Variants in INTS2 observed in about 807,000 individuals in gnomAD.
INTS2 encodes integrator complex subunit 2.
A neutral mutation model predicts 139.6 loss-of-function variants in INTS2; 57 were observed. The observed-to-expected ratio is 0.41, with a 90% CI of 0.33 to 0.51. INTS2 has a LOEUF of 0.51. Among genes scored for constraint, INTS2 ranks in the 20% least tolerant of loss-of-function variants. The pLI is 0.28. For synonymous variants in INTS2, 473 were observed against 493.4 expected, an observed-to-expected ratio of 0.96 and a Z score of 0.55; for missense variants, 1,196 against 1,436.7, an observed-to-expected ratio of 0.83 and a Z score of 2.71.
intron 12 of INTS2, among the ~76,000 whole-genome samples, chr17:61,894,949 T>G (rs1274797357): frequency 2.6e-5 from 4 of 152,222 alleles, no homozygotes; most frequent in African/African-American, 4.8e-5. Context: ...GCCTGTAATC[T>G]AGTTAGAAAT....
chr17:61,897,413 A>G lies in INTS2; in HGVS notation c.1494+56T>C. 1 of 1,019,882 alleles carries G rather than the reference A, an allele frequency of 9.8e-7. No homozygotes were observed. The highest frequency in any genetic ancestry group is 1.6e-5 in the South Asian group (1 of 63,452). 63.2% of individuals were successfully genotyped at this position (1,019,882 alleles called of 1,614,324 possible). On this transcript the variant is annotated intron_variant, in intron 11 of 24. Coordinates refer to ENST00000251334, the MANE Select transcript of INTS2 (RefSeq NM_001351695.2). This position sits in a 1 kb window ranked among gnomAD's most constrained non-coding sequence, Gnocchi z 4.4. ...AAACAATCTATTTACACTACAACAA[A>G]ATGTCCAGCTTAGAAACACCTTTTT...
Position 61,869,112 on chromosome 17 carries a change from A to G in INTS2, c.3166T>C (p.Leu1056=). 2 of 1,611,304 alleles carry G rather than the reference A, an allele frequency of 1.2e-6. No individual in the cohort carries two copies. The highest frequency in any genetic ancestry group is 2.2e-5 in the South Asian group (2 of 90,774). The change falls in exon 23 of 25, where the codon TTG becomes CTG. Residue 1056 remains leucine, a synonymous_variant. Transcript: ENST00000251334. The surrounding 1 kb of genome is among the most constrained non-coding windows in gnomAD (Gnocchi z 5.4). ...QIFAIQLLSH[L]CIQYALPKSL... The stretch of plus-strand genomic sequence containing the variant: ...TTTGGTAATGCATATTGTATACACA[A>G]GTGAGAAAGCAACTGGATAGCAAAT...
intron 4 of INTS2, among the ~76,000 whole-genome samples, chr17:61,920,450 G>T (rs1389898490): frequency 7.4e-5 from 11 of 149,288 alleles, no homozygotes; most frequent in Admixed American, 7.3e-4. Context: ...CCAAAATGCT[G>T]GGATTACAGG....
chr17:61,919,690 A>C (rs749488416), intron 4 of INTS2, among the ~76,000 whole-genome samples, 177 bp from the exon 5 acceptor site: 14 of 152,166 alleles, frequency 9.2e-5, no homozygotes, highest in Non-Finnish European at 1.8e-4. Context: ...GATTACAGGC[A>C]TAAGCCACCA....
In INTS2 at chr17:61,897,788, C is replaced by T; in HGVS notation, c.1308-49G>A. ...CACTGGTTTAAATTAGATATACTAG[C>T]ATATGAATAAAAAGCATTCTGAAGT... is the stretch of plus-strand genomic sequence containing the variant. On this transcript the variant is annotated intron_variant, in intron 9 of 24. Transcript: ENST00000251334. The surrounding 1 kb of genome is among the most constrained non-coding windows in gnomAD (Gnocchi z 4.4). 3.3e-6 allele frequency: 4 copies of T among 1,215,220 alleles called. No homozygotes were observed. Among genetic ancestry groups the T allele is most frequent in the Non-Finnish European group, 4.7e-6 (4 of 848,844 alleles). 75.3% of individuals were successfully genotyped at this position (1,215,220 alleles called of 1,614,324 possible). A position where few individuals can be genotyped will look rare whatever the true frequency, so the allele number is the denominator to read the frequency against.
chr17:61,913,646 C>T (rs1314821387), intron 5 of INTS2, among the ~76,000 whole-genome samples: 7 of 151,980 alleles, frequency 4.6e-5, no homozygotes, highest in African/African-American at 1.5e-4. Flanking sequence ...TAAAAGATGA[C>T]GTCAACCTAA....
rs138705503 is a variant in INTS2, at chr17:61,882,144, T to C, written c.2090-973A>G. 6.6e-6 allele frequency among the ~76,000 whole-genome samples: 1 copy of C among 152,340 alleles called. No homozygotes were observed. The highest frequency in any genetic ancestry group is 1.5e-5 in the Non-Finnish European group (1 of 68,042). On this transcript the variant is annotated intron_variant, in intron 16 of 24. Coordinates refer to ENST00000251334, the MANE Select transcript of INTS2 (RefSeq NM_001351695.2). This position sits in a 1 kb window ranked among gnomAD's most constrained non-coding sequence, Gnocchi z 4.7. ...TCTCAGGTACTTTATGTACGTTTTCTCATCTCTCCCTAACATTCATACAAA... is the reference window on the plus strand; with the variant it reads ...TCTCAGGTACTTTATGTACGTTTTCCCATCTCTCCCTAACATTCATACAAA...
intron 17 of INTS2, among the ~76,000 whole-genome samples, chr17:61,878,944 A>AAC (rs2079151258): frequency 7.3e-6 from 1 of 137,238 alleles, no homozygotes; most frequent in South Asian, 2.1e-4. Flanking sequence ...AAAAAAAAAA[A>AAC]AAAAAAAAAA....
At chr17:61,877,861 T>G in intron 18 of INTS2, 26 bp downstream of exon 18, 2 of 1,549,006 alleles carry the variant, frequency 1.3e-6, no homozygotes, top group Non-Finnish European at 1.8e-6. Context: ...AATTATCTAT[T>G]ACATGTAACA....
chr17:61,880,196 ACCACGC>A (rs1375144276), intron 17 of INTS2, among the ~76,000 whole-genome samples: 1 of 151,502 alleles, frequency 6.6e-6, no homozygotes, highest in Admixed American at 6.6e-5. Context: ...GGCGCCCACG[ACCACGC>A]CCGGCTAATT....
chr17:61,919,373 A>C, intron 5 of INTS2, 27 bp downstream of exon 5: 1 of 1,160,754 alleles, frequency 8.6e-7, no homozygotes, highest in South Asian at 1.3e-5. Flanking sequence ...AAGTCTTTTC[A>C]ATATACCATA....
At chr17:61,922,649 A>T (rs2079659063) in intron 3 of INTS2, among the ~76,000 whole-genome samples, 1 of 151,332 alleles carries the variant, frequency 6.6e-6, no homozygotes, top group South Asian at 2.1e-4. Flanking sequence ...TTTCATAACC[A>T]TATTTCCTAT....
At position 61,927,728 on chromosome 17, in the gene INTS2, G is replaced by A. The variant is rs1027750507; in HGVS notation, c.-93C>T. 2.4e-5 allele frequency: 35 copies of A among 1,459,584 alleles called. No homozygotes were observed. Among genetic ancestry groups the A allele is most frequent in the Non-Finnish European group, 3.0e-5 (33 of 1,108,294 alleles). The allele number at this position is 1,459,584 out of a possible 1,614,324, so 90.4% of individuals were successfully genotyped here. A position where few individuals can be genotyped will look rare whatever the true frequency, so the allele number is the denominator to read the frequency against. ...CTAGAGGCGGGACGCGGCAGAAATCGAGAGCGCGGTCCGATGTTGGGCCTA... is the reference window on the plus strand; with the variant it reads ...CTAGAGGCGGGACGCGGCAGAAATCAAGAGCGCGGTCCGATGTTGGGCCTA... On this transcript the variant is annotated 5_prime_UTR_variant, in exon 1 of 25. Coordinates refer to ENST00000251334, the MANE Select transcript of INTS2 (RefSeq NM_001351695.2).
At chr17:61,886,240 G>A (rs771392633) in intron 15 of INTS2, among the ~76,000 whole-genome samples, 2 of 151,988 alleles carry the variant, frequency 1.3e-5, no homozygotes, top group Non-Finnish European at 2.9e-5. Context: ...TAGTAGAGAC[G>A]GGGTTTCGCC....
At chr17:61,887,384 G>A (rs1425787792) in intron 15 of INTS2, among the ~76,000 whole-genome samples, 5 of 151,494 alleles carry the variant, frequency 3.3e-5, no homozygotes, top group African/African-American at 9.7e-5. Flanking sequence ...TCAGGAGTCC[G>A]AGGCAGGAGA....
chr17:61,920,649 C>T (rs1193984399), intron 4 of INTS2, among the ~76,000 whole-genome samples: 3 of 151,898 alleles, frequency 2.0e-5, no homozygotes, highest in African/African-American at 7.2e-5. Flanking sequence ...ACTAAAAATA[C>T]AAAATTAGCT....
intron 2 of INTS2, among the ~76,000 whole-genome samples, chr17:61,926,044 G>A (rs1173837784): frequency 1.3e-5 from 2 of 150,882 alleles, no homozygotes; most frequent in African/African-American, 2.4e-5. Flanking sequence ...AAAAAAAAAA[G>A]CCTCCCAAGT....
chr17:61,900,340 TAGA>T (rs749300501), intron 9 of INTS2, among the ~76,000 whole-genome samples: 13 of 152,198 alleles, frequency 8.5e-5, no homozygotes, highest in Non-Finnish European at 1.5e-4. Context: ...TCTGCACAAC[TAGA>T]AGAATACCCT....
At chr17:61,921,921 C>T (rs2079645860) in intron 3 of INTS2, 94 bp from the exon 4 acceptor site, 2 of 660,908 alleles carry the variant, frequency 3.0e-6, no homozygotes, top group Non-Finnish European at 2.6e-6. Context: ...CAGATTATGT[C>T]TCTTAATGTA....
Sources: allele counts gnomAD v4.1 joint callset (sites outside exome capture counted in the v4.1 genomes callset), GRCh38; gene constraint gnomAD v4.1.1; non-coding constraint Gnocchi (gnomAD v3.1); transcripts MANE v1.5; gene names NCBI Gene and HGNC (gene_info 2026-07-23, HGNC 2026-07-21).